The following PLCL1 variants were observed in gnomAD, a reference collection of about 807,000 sequenced individuals.
The protein encoded by PLCL1 is inactive phospholipase C-like protein 1.
Under a neutral mutation model 84.4 loss-of-function variants are expected in PLCL1, and 41 were observed. That is an observed-to-expected ratio of 0.49 (90% CI 0.38 to 0.63). The LOEUF (loss-of-function observed/expected upper bound fraction) is 0.63. PLCL1 is among the 30% of genes least tolerant of loss of function. PLCL1 has a pLI of 0.00. For synonymous variants in PLCL1, 490 were observed against 488.3 expected (o/e 1.00, Z -0.05); for missense variants, 1,206 against 1,367.8 (o/e 0.88, Z 1.87).
intron 1 of PLCL1, among the ~76,000 whole-genome samples, chr2:197,809,093 C>A (rs2106413387): frequency 6.6e-6 from 1 of 152,210 alleles, no homozygotes. Flanking sequence ...CTTAAAGGTG[C>A]CCCTTGGGTA....
At chr2:198,090,170 A>G (rs1692987277) in intron 3 of PLCL1, among the ~76,000 whole-genome samples, 1 of 152,136 alleles carries the variant, frequency 6.6e-6, no homozygotes, top group Admixed American at 6.5e-5. Context: ...AATAATCTAT[A>G]TTATAGATTC....
chr2:197,878,698 C>T (rs1212891350), intron 1 of PLCL1, among the ~76,000 whole-genome samples: 5 of 152,034 alleles, frequency 3.3e-5, no homozygotes, highest in African/African-American at 1.2e-4. Flanking sequence ...AAAGTAGTGT[C>T]TACCTTAGGA....
intron 1 of PLCL1, among the ~76,000 whole-genome samples, chr2:197,901,598 G>A (rs1489582675): frequency 6.6e-6 from 1 of 152,200 alleles, no homozygotes; most frequent in East Asian, 1.9e-4. Flanking sequence ...CGTGGAAAGT[G>A]TACCTTAAGA....
At chr2:197,969,242 G>A (rs1689809916) in intron 1 of PLCL1, among the ~76,000 whole-genome samples, 2 of 152,138 alleles carry the variant, frequency 1.3e-5, no homozygotes, top group Admixed American at 1.3e-4. Flanking sequence ...TGATTTAAAA[G>A]GACAATTTAC....
At chr2:197,857,802 A>C (rs1687357231) in intron 1 of PLCL1, among the ~76,000 whole-genome samples, 1 of 152,204 alleles carries the variant, frequency 6.6e-6, no homozygotes, top group Non-Finnish European at 1.5e-5. Context: ...TGCAAAGGCA[A>C]GGGCATAAAA....
chr2:198,123,250 T>C (rs1167310451), intron 5 of PLCL1, among the ~76,000 whole-genome samples: 1 of 152,036 alleles, frequency 6.6e-6, no homozygotes, highest in Non-Finnish European at 1.5e-5. Flanking sequence ...GATTCTAGTG[T>C]GGTTGGCTGT....
At chr2:197,941,918 C>T (rs1282653653) in intron 1 of PLCL1, among the ~76,000 whole-genome samples, 1 of 152,128 alleles carries the variant, frequency 6.6e-6, no homozygotes. Flanking sequence ...GTCATGACCT[C>T]CCAGGTTCAT....
intron 4 of PLCL1, among the ~76,000 whole-genome samples, 162 bp from the exon 5 acceptor site, chr2:198,103,665 T>C (rs1437741052): frequency 6.6e-6 from 1 of 152,046 alleles, no homozygotes; most frequent in Non-Finnish European, 1.5e-5. Context: ...GGACAGCTAC[T>C]TGGTGGGATG....
intron 1 of PLCL1, among the ~76,000 whole-genome samples, chr2:197,808,437 C>T (rs2106413179): frequency 6.6e-6 from 1 of 152,172 alleles, no homozygotes; most frequent in Middle Eastern, 3.4e-3. Context: ...AAATATTTAA[C>T]ATTTTAGATT....
intron 1 of PLCL1, among the ~76,000 whole-genome samples, chr2:197,810,473 G>A (rs973345942): frequency 6.6e-6 from 1 of 152,338 alleles, no homozygotes; most frequent in Non-Finnish European, 1.5e-5. Flanking sequence ...TAGCCATTGA[G>A]GGGTTAAACG....
In PLCL1 at chr2:198,085,456, A is replaced by G. The variant is rs1333142885; in HGVS notation, c.1939A>G (p.Met647Val). The change falls in exon 2 of 6, where the codon ATG (methionine) becomes GTG (valine). Residue 647 changes from methionine to valine, a missense_variant. Physicochemically the swap from Met to Val is conservative, Grantham distance 21 (BLOSUM62 1). Coordinates refer to ENST00000428675, the MANE Select transcript of PLCL1 (RefSeq NM_006226.4). The surrounding 1 kb of genome is among the most constrained non-coding windows in gnomAD (Gnocchi z 5.3). ...CTTATCAAGAATCTATCCAAGTGCC[A>G]TGAGGATCGATTCCAGTAACTTGAA... Reference protein sequence around the residue: ...KFLSRIYPSAMRIDSSNLNPQ... With the variant: ...KFLSRIYPSAVRIDSSNLNPQ... The G allele has an allele frequency of 5.6e-6, 9 of 1,613,876 alleles. No individual in the cohort carries two copies. Among genetic ancestry groups the G allele is most frequent in the African/African-American group, 1.3e-5 (1 of 74,932 alleles).
At chr2:197,919,074 A>G (rs1224456609) in intron 1 of PLCL1, among the ~76,000 whole-genome samples, 1 of 152,158 alleles carries the variant, frequency 6.6e-6, no homozygotes, top group Non-Finnish European at 1.5e-5. Flanking sequence ...TGAAGGAACA[A>G]GGCAGATGCT....
chr2:198,101,230 ATGAGC>A, intron 3 of PLCL1, 50 bp from the exon 4 acceptor site: 1 of 1,040,452 alleles, frequency 9.6e-7, no homozygotes, highest in South Asian at 1.3e-5. Flanking sequence ...CGTCTTCCCA[ATGAGC>A]CAGTTCAAGG....
intron 1 of PLCL1, among the ~76,000 whole-genome samples, chr2:197,824,461 C>T (rs1020507714): frequency 6.6e-6 from 1 of 151,754 alleles, no homozygotes; most frequent in African/African-American, 2.4e-5. Context: ...AGTCTGTAAT[C>T]CAAACACTTT....
chr2:197,961,754 C>T (rs1689629164), intron 1 of PLCL1, among the ~76,000 whole-genome samples: 1 of 151,910 alleles, frequency 6.6e-6, no homozygotes, highest in Non-Finnish European at 1.5e-5. Flanking sequence ...GGAAATGAAA[C>T]TTTAGACCTT....
rs1691052753 is a variant in PLCL1, at chr2:197,831,250, C to T, written c.240+25911C>T. On this transcript the variant is annotated intron_variant, in intron 1 of 5. Coordinates refer to ENST00000428675, the MANE Select transcript of PLCL1 (RefSeq NM_006226.4). ...ATTGGACCCATCAGTCAAGACCCAT[C>T]AGTGTGCTGTATTCAGGAGACCCAT... Among the ~76,000 whole-genome samples, 3 of 152,112 alleles carry T rather than the reference C, an allele frequency of 2.0e-5. No homozygotes were observed. In the South Asian group the frequency reaches 6.2e-4, roughly 31 times the overall value.
chr2:197,871,437 G>A (rs916024783), intron 1 of PLCL1, among the ~76,000 whole-genome samples: 2 of 152,106 alleles, frequency 1.3e-5, no homozygotes, highest in African/African-American at 4.8e-5. Context: ...GTAAAATGCA[G>A]ATTCCAGACC....
intron 1 of PLCL1, among the ~76,000 whole-genome samples, chr2:197,879,124 C>T (rs1355699616): frequency 6.6e-6 from 1 of 152,174 alleles, no homozygotes; most frequent in African/African-American, 2.4e-5. Flanking sequence ...TATTTACCTG[C>T]TTGACTGCTG....
intron 1 of PLCL1, among the ~76,000 whole-genome samples, chr2:197,998,412 G>C (rs993186424): frequency 6.6e-6 from 1 of 152,078 alleles, no homozygotes; most frequent in Non-Finnish European, 1.5e-5. Context: ...TGTGTGAGGG[G>C]TGTGTGTAGG....
Sources: allele counts gnomAD v4.1 joint callset (sites outside exome capture counted in the v4.1 genomes callset), GRCh38; gene constraint gnomAD v4.1.1; non-coding constraint Gnocchi (gnomAD v3.1); transcripts MANE v1.5; gene names NCBI Gene and HGNC (gene_info 2026-07-23, HGNC 2026-07-21).